The following CCDC187 variants were observed in gnomAD, a reference collection of about 807,000 sequenced individuals.
CCDC187 encodes the protein coiled-coil domain-containing protein 187.
Under a neutral mutation model 38.0 loss-of-function variants are expected in CCDC187, and 32 were observed. That is an observed-to-expected ratio of 0.84 (90% confidence interval 0.64 to 1.13). The LOEUF (loss-of-function observed/expected upper bound fraction) is 1.13. Among genes scored for constraint, CCDC187 ranks in the 50% most tolerant of loss-of-function variants. The pLI, the probability that CCDC187 is intolerant of heterozygous loss-of-function variation, is 0.00. For synonymous variants in CCDC187, 333 were observed against 347.9 expected, an observed-to-expected ratio of 0.96 and a Z score of 0.48; for missense variants, 707 against 786.8, an observed-to-expected ratio of 0.90 and a Z score of 1.21.
chr9:136,286,805 A>G (rs1465331015), intron 7 of CCDC187, 110 bp from the exon 8 acceptor site: 10 of 397,694 alleles, frequency 2.5e-5, no homozygotes, highest in African/African-American at 1.0e-4. Flanking sequence ...TCTGTGACGG[A>G]CCCAGTGTCT....
chr9:136,299,256 C>T (rs928560528), intron 3 of CCDC187, among the ~76,000 whole-genome samples: 202 of 152,282 alleles, frequency 1.3e-3, no homozygotes, highest in Non-Finnish European at 2.3e-3. Flanking sequence ...CCCTGGACCC[C>T]GCCCACATCT....
chr9:136,293,265 A>G (rs1226821068), intron 4 of CCDC187, among the ~76,000 whole-genome samples: 4 of 147,292 alleles, frequency 2.7e-5, no homozygotes, highest in Non-Finnish European at 4.5e-5. Flanking sequence ...ACACTCACTC[A>G]TGCTTTCACA....
intron 11 of CCDC187, 31 bp downstream of exon 11, chr9:136,276,620 G>T (rs1303148764): frequency 6.6e-6 from 1 of 152,054 alleles, no homozygotes; most frequent in East Asian, 2.0e-4. Flanking sequence ...TAGCAGAAAG[G>T]GGACCCAGCT....
In CCDC187 at chr9:136,281,862, C is replaced by T. The variant is rs1831051898; in HGVS notation, c.2928-199G>A. ...GGGGGAAGGGCCTGAGGCCTGGGAG[C>T]CAGGAGGCAGGGGTGAGCGGGAGGC... On this transcript the variant is annotated intron_variant, in intron 9 of 25. Coordinates refer to ENST00000638797, the MANE Select transcript of CCDC187 (RefSeq NM_001378188.1). Among the ~76,000 whole-genome samples, 3 of 152,260 alleles carry T rather than the reference C, an allele frequency of 2.0e-5. No homozygotes were observed. In the South Asian group the frequency reaches 6.2e-4, roughly 32 times the overall value.
In CCDC187 at chr9:136,259,121, C is replaced by T. The variant is rs530590828; in HGVS notation, c.4297-120G>A. 819 of 811,058 alleles carry T rather than the reference C, an allele frequency of 1.0e-3. 1 individual carries two copies. Among genetic ancestry groups the T allele is most frequent in the South Asian group, 1.4e-3 (24 of 17,698 alleles). The allele number at this position is 811,058 out of a possible 1,614,324, so 50.2% of individuals were successfully genotyped here. On this transcript the variant is annotated intron_variant, in intron 21 of 25. Coordinates refer to ENST00000638797, the MANE Select transcript of CCDC187 (RefSeq NM_001378188.1). ...ACAGACTGGGGTGGATGGGGACAGC[C>T]GGGGGCGGACAGGGACAGATGGGGA... is the stretch of plus-strand genomic sequence containing the variant.
rs1831298980 is a variant in CCDC187 at position 136,290,586 on chromosome 9, T to C, written c.2027A>G (p.Tyr676Cys). The change falls in exon 6 of 26, where the codon TAC (tyrosine) becomes TGC (cysteine). Residue 676 changes from tyrosine (Y) to cysteine (C), a missense_variant. By Grantham distance (194) the Tyr-to-Cys change is radical. Transcript: ENST00000638797. ...ELRSRRLQEV[Y>C]RQQREAVLGR... Reference sequence around the variant, plus strand: ...GAGGACGGCCTCCCTCTGCTGCCGGTAGACCTCCTGCAGCCTCCGGCTCCT... The same window carrying C: ...GAGGACGGCCTCCCTCTGCTGCCGGCAGACCTCCTGCAGCCTCCGGCTCCT... The C allele has an allele frequency of 2.3e-5, 9 of 398,586 alleles. No individual in the cohort carries two copies. The highest frequency in any genetic ancestry group is 4.0e-5 in the Non-Finnish European group (9 of 226,162). The allele number at this position is 398,586 out of a possible 1,614,324, so 24.7% of individuals were successfully genotyped here.
At position 136,256,283 on chromosome 9, in the gene CCDC187, G is replaced by A. The variant is rs1160822823; in HGVS notation, c.4544C>T (p.Ser1515Leu). 41 of 985,460 alleles carry A rather than the reference G, an allele frequency of 4.2e-5. No homozygotes were observed. The East Asian group carries it at 4.5e-4, about 11-fold the overall frequency. 61.0% of individuals were successfully genotyped at this position (985,460 alleles called of 1,614,324 possible). A position where few individuals can be genotyped will look rare whatever the true frequency, so the allele number is the denominator to read the frequency against. Residue 1515 changes from serine (S) to leucine (L), a missense_variant, in exon 24 of 26, where the codon TCG becomes TTG. Ser to Leu is a moderately radical substitution (Grantham distance 145). Transcript: ENST00000638797. ...GGGGCTCTCAGCAAAATCCAGCCCC[G>A]ATTCCAAGCCCTCTTCGCTCATGCT... ...EDSMSEEGLE[S>L]GLDFAESPVE...
intron 14 of CCDC187, among the ~76,000 whole-genome samples, chr9:136,270,887 C>T (rs571588004): frequency 2.0e-5 from 3 of 152,238 alleles, no homozygotes; most frequent in South Asian, 4.1e-4. Context: ...ACCGGTTATC[C>T]CTAGGTTATA....
chr9:136,267,500 C>T lies in CCDC187; in HGVS notation c.3531G>A (p.Arg1177=). The T allele has an allele frequency of 1.0e-6, 1 of 985,688 alleles. No individual in the cohort carries two copies. Among genetic ancestry groups the T allele is most frequent in the Non-Finnish European group, 1.2e-6 (1 of 830,108 alleles). 61.1% of individuals were successfully genotyped at this position (985,688 alleles called of 1,614,324 possible). Residue 1177 remains arginine, a synonymous_variant, in exon 16 of 26, where the codon CGG becomes CGA. Transcript: ENST00000638797. ...PDNPTHQMLE[R]SLREEELRAQ... Reference sequence around the variant, plus strand: ...CTCGCAGCTCCTCCTCCCGCAGGCTCCGCTCCAGCATCTGCAGCTTGAAGC... The same window carrying T: ...CTCGCAGCTCCTCCTCCCGCAGGCTTCGCTCCAGCATCTGCAGCTTGAAGC...
intron 16 of CCDC187, chr9:136,266,656 C>A (rs923806659): frequency 6.6e-6 from 1 of 152,226 alleles, no homozygotes; most frequent in Non-Finnish European, 1.5e-5. Flanking sequence ...TACGCCGGTG[C>A]GCCCTGTGTG....
chr9:136,254,688 G>A lies in CCDC187; in HGVS notation c.5140C>T (p.Pro1714Ser), dbSNP rs782055266. 5.1e-4 allele frequency: 505 copies of A among 985,382 alleles called. No individual in the cohort carries two copies. Among genetic ancestry groups the A allele is most frequent in the Non-Finnish European group, 5.9e-4 (490 of 829,990 alleles). 61.0% of individuals were successfully genotyped at this position (985,382 alleles called of 1,614,324 possible). A position where few individuals can be genotyped will look rare whatever the true frequency, so the allele number is the denominator to read the frequency against. ...GTGTCCAAGGAGGAGCCACGCAGGG[G>A]GCCGGCCCTGCGGCCCTGGGGCCTC... The part of the protein sequence containing the change: ...WQRPQGRRAG[P>S]LRGSSLDTAM... Residue 1714 changes from proline to serine, a missense_variant, in exon 26 of 26, where the codon CCC becomes TCC. Pro to Ser is a moderately conservative substitution (Grantham distance 74). Coordinates refer to ENST00000638797, the MANE Select transcript of CCDC187 (RefSeq NM_001378188.1).
upstream of CCDC187, among the ~76,000 whole-genome samples, chr9:136,306,539 C>T (rs1316194000): frequency 6.6e-6 from 1 of 152,156 alleles, no homozygotes; most frequent in Non-Finnish European, 1.5e-5. Flanking sequence ...TGCTTGATGA[C>T]TTATCTTACG....
chr9:136,252,146 GGGGAAGAGCCGGCCGCCCACCC>G lies in CCDC187; in HGVS notation c.*1426_*1447del, dbSNP rs1830550731. 1 of 52,604 alleles carries G rather than the reference GGGGAAGAGCCGGCCGCCCACCC, an allele frequency of 1.9e-5. No individual in the cohort carries two copies. The highest frequency in any genetic ancestry group is 5.2e-5 in the Non-Finnish European group (1 of 19,128). 3.3% of individuals were successfully genotyped at this position (52,604 alleles called of 1,614,324 possible). ...GAGCCGGCGCCCACCCTGTCCACCA[GGGGAAGAGCCGGCCGCCCACCC>G]GGTCCACCCCGGGAAGAGCCGGCCG... On this transcript the variant is annotated 3_prime_UTR_variant, in exon 26 of 26. Coordinates refer to ENST00000638797, the MANE Select transcript of CCDC187 (RefSeq NM_001378188.1).
At chr9:136,304,285 T>G (rs1047439132), upstream of CCDC187, among the ~76,000 whole-genome samples, 2 of 151,862 alleles carry the variant, frequency 1.3e-5, no homozygotes, top group African/African-American at 2.4e-5. Flanking sequence ...GTGGGGTCAG[T>G]GTTGGGCAAG....
intron 10 of CCDC187, among the ~76,000 whole-genome samples, chr9:136,278,296 T>A (rs1830972470): frequency 1.3e-5 from 2 of 152,184 alleles, no homozygotes; most frequent in African/African-American, 4.8e-5. Flanking sequence ...ATCTCCCAGC[T>A]GTGGCCTGAG....
At position 136,253,698 on chromosome 9, in the gene CCDC187, CA is replaced by C; in HGVS notation, c.6129del (p.Glu2044ArgfsTer123). On this transcript the variant is annotated frameshift_variant, in exon 26 of 26. Transcript: ENST00000638797. LOFTEE classifies it low-confidence loss of function (END_TRUNC). ...DAFPSPPSGPLEEDTAITTQD... is the reference protein window; with the variant it reads ...DAFPSPPSGPXEEDTAITTQD... The stretch of plus-strand genomic sequence containing the variant: ...TGGGTGGTGATGGCGGTGTCCTCCT[CA>C]AGGGGCCCCGAGGGCGGGGAAGGGA... 1 of 985,554 alleles carries C rather than the reference CA, an allele frequency of 1.0e-6. No homozygotes were observed. The highest frequency in any genetic ancestry group is 1.1e-4 in the East Asian group (1 of 8,816). 61.1% of individuals were successfully genotyped at this position (985,554 alleles called of 1,614,324 possible).
In CCDC187 at chr9:136,279,098, G is replaced by A. The variant is rs1042432061; in HGVS notation, c.3041-2371C>T. On this transcript the variant is annotated intron_variant, in intron 10 of 25. Transcript: ENST00000638797. ...CTGGTCTGGGTGTTTAAGTCTAGAA[G>A]GTTCCATTGACAGAGCTAGTCTACA... is the stretch of plus-strand genomic sequence containing the variant. Among the ~76,000 whole-genome samples, 1,272 of 152,158 alleles carry A rather than the reference G, an allele frequency of 8.4e-3. 25 individuals are homozygous for A. Among genetic ancestry groups the A allele is most frequent in the African/African-American group, 0.028 (1,179 of 41,486 alleles).
intron 9 of CCDC187, among the ~76,000 whole-genome samples, chr9:136,284,004 G>A (rs1365810873): frequency 6.6e-6 from 1 of 152,182 alleles, no homozygotes; most frequent in African/African-American, 2.4e-5. Context: ...CCCTGGCGCA[G>A]GCACCAAGCC....
At chr9:136,267,609 T>TC (rs1367918346) in intron 15 of CCDC187, 98 bp from the exon 16 acceptor site, 1 of 985,372 alleles carries the variant, frequency 1.0e-6, no homozygotes, top group African/African-American at 1.7e-5. Flanking sequence ...CCGCCTAGCT[T>TC]CTAGACCGCT....
Sources: allele counts gnomAD v4.1 joint callset (sites outside exome capture counted in the v4.1 genomes callset), GRCh38; gene constraint gnomAD v4.1.1; transcripts MANE v1.5; gene names NCBI Gene and HGNC (gene_info 2026-07-23, HGNC 2026-07-21).